SLMAP: variants seen among roughly 807,000 people sequenced by gnomAD.
The protein encoded by SLMAP is sarcolemma associated protein.
Under a neutral mutation model 128.8 loss-of-function variants are expected in SLMAP, and 44 were observed. That is an observed-to-expected ratio of 0.34 (90% CI 0.27 to 0.44). SLMAP has a LOEUF of 0.44. SLMAP is among the 20% of genes least tolerant of loss of function. The probability of loss-of-function intolerance (pLI) is 1.00; values close to 1 mark genes in which losing one functional copy is unlikely to be tolerated. For missense variants in SLMAP, 787 were observed against 985.3 expected (o/e 0.80, Z 2.69); for synonymous variants, 327 against 348.8 (o/e 0.94, Z 0.70).
At chr3:57,833,315 A>G (rs372703501) in intron 3 of SLMAP, among the ~76,000 whole-genome samples, 1 of 152,158 alleles carries the variant, frequency 6.6e-6, no homozygotes, top group South Asian at 2.1e-4. Flanking sequence ...TTTCCCATCT[A>G]TCTGTGAGGG....
At chr3:57,765,077 A>G (rs2079416917) in intron 2 of SLMAP, among the ~76,000 whole-genome samples, 1 of 152,200 alleles carries the variant, frequency 6.6e-6, no homozygotes, top group African/African-American at 2.4e-5. Context: ...AATGGCCAGG[A>G]ACAGTGGCAA....
chr3:57,813,148 C>T (rs1419592699), intron 2 of SLMAP, among the ~76,000 whole-genome samples: 14 of 143,910 alleles, frequency 9.7e-5, no homozygotes, highest in South Asian at 2.2e-4. Flanking sequence ...CAGGCTGGAG[C>T]GCAGTGGTGT....
chr3:57,832,964 C>G (rs2093428605), intron 3 of SLMAP, among the ~76,000 whole-genome samples: 1 of 152,156 alleles, frequency 6.6e-6, no homozygotes, highest in African/African-American at 2.4e-5. Flanking sequence ...TTAGACACTC[C>G]TATATCTGCT....
chr3:57,772,537 A>G (rs2081091193), intron 2 of SLMAP, among the ~76,000 whole-genome samples: 1 of 152,128 alleles, frequency 6.6e-6, no homozygotes. Flanking sequence ...TTGACATTTG[A>G]TATTGGATGA....
At chr3:57,839,432 C>CTTTT (rs1176937962) in intron 3 of SLMAP, among the ~76,000 whole-genome samples, 1 of 135,848 alleles carries the variant, frequency 7.4e-6, no homozygotes, top group African/African-American at 2.8e-5. Context: ...TGCATTAGCT[C>CTTTT]TATTTTTTTT....
chr3:57,813,461 CTCA>C (rs2091355553), intron 2 of SLMAP, among the ~76,000 whole-genome samples: 1 of 152,086 alleles, frequency 6.6e-6, no homozygotes, highest in Non-Finnish European at 1.5e-5. Flanking sequence ...AATTTATAGT[CTCA>C]TGTCCAGGAC....
intron 2 of SLMAP, among the ~76,000 whole-genome samples, chr3:57,811,710 A>C (rs1192309978): frequency 3.3e-5 from 5 of 152,202 alleles, no homozygotes; most frequent in Admixed American, 2.0e-4. Flanking sequence ...CCAACAGTGC[A>C]TAAGGGTTCC....
intron 14 of SLMAP, among the ~76,000 whole-genome samples, chr3:57,879,302 G>T (rs2095671571): frequency 6.6e-6 from 1 of 152,208 alleles, no homozygotes. Context: ...GACAAGATTT[G>T]ATAGTCTTCT....
At chr3:57,850,964 G>T (rs1224316667) in intron 6 of SLMAP, among the ~76,000 whole-genome samples, 1 of 152,128 alleles carries the variant, frequency 6.6e-6, no homozygotes, top group Non-Finnish European at 1.5e-5. Flanking sequence ...AAAAATAACT[G>T]GGAGAGATTT....
At chr3:57,854,107 G>A (rs1194142170) in intron 6 of SLMAP, among the ~76,000 whole-genome samples, 1 of 138,068 alleles carries the variant, frequency 7.2e-6, no homozygotes, top group African/African-American at 2.7e-5. Flanking sequence ...ATGTATCTTT[G>A]GATATATATA....
intron 10 of SLMAP, among the ~76,000 whole-genome samples, chr3:57,863,527 T>TATAAATA (rs2095187089): frequency 6.6e-6 from 1 of 152,194 alleles, no homozygotes; most frequent in Non-Finnish European, 1.5e-5. Flanking sequence ...GGCTCACAGT[T>TATAAATA]CTGCAGGCTG....
At chr3:57,852,221 T>C (rs1380519083) in intron 6 of SLMAP, among the ~76,000 whole-genome samples, 1 of 152,172 alleles carries the variant, frequency 6.6e-6, no homozygotes, top group African/African-American at 2.4e-5. Flanking sequence ...CCCTACATTC[T>C]TTTATAGGAA....
At chr3:57,813,900 C>T (rs1451149032) in intron 2 of SLMAP, among the ~76,000 whole-genome samples, 1 of 151,746 alleles carries the variant, frequency 6.6e-6, no homozygotes, top group Admixed American at 6.6e-5. Context: ...GCCTATCTTC[C>T]TGAGCTTTTA....
chr3:57,763,640 G>A (rs564022281), intron 2 of SLMAP, among the ~76,000 whole-genome samples: 2 of 152,136 alleles, frequency 1.3e-5, no homozygotes, highest in African/African-American at 2.4e-5. Context: ...GTGGTAAAGG[G>A]GGAGAAAATG....
At chr3:57,857,868 A>AT in intron 7 of SLMAP, 40 bp downstream of exon 7, 9 of 1,319,008 alleles carry the variant, frequency 6.8e-6, no homozygotes, top group Non-Finnish European at 8.7e-6. Flanking sequence ...ATTTAAACAT[A>AT]GTTTAATATT....
At chr3:57,827,726 AAGAT>A (rs2093023962) in intron 2 of SLMAP, among the ~76,000 whole-genome samples, 1 of 152,258 alleles carries the variant, frequency 6.6e-6, no homozygotes, top group African/African-American at 2.4e-5. Context: ...CTGGGAAAGA[AAGAT>A]AGTTAAGACT....
intron 4 of SLMAP, among the ~76,000 whole-genome samples, chr3:57,844,257 G>T (rs2094131220): frequency 1.3e-5 from 2 of 152,012 alleles, no homozygotes; most frequent in African/African-American, 4.8e-5. Context: ...AGCCGGGCGT[G>T]GTGGTGAGCG....
intron 20 of SLMAP, among the ~76,000 whole-genome samples, 166 bp downstream of exon 20, chr3:57,912,867 C>T (rs952660978): frequency 1.9e-4 from 29 of 151,920 alleles, no homozygotes; most frequent in South Asian, 1.2e-3. Context: ...TCTGCAAGTT[C>T]TACTTAAATT....
chr3:57,916,142 G>T (rs963382339), intron 21 of SLMAP, among the ~76,000 whole-genome samples: 2 of 151,130 alleles, frequency 1.3e-5, no homozygotes, highest in Admixed American at 6.6e-5. Context: ...GGCAACAAGA[G>T]CGAAACTCTG....
Sources: allele counts gnomAD v4.1 joint callset (sites outside exome capture counted in the v4.1 genomes callset), GRCh38; gene constraint gnomAD v4.1.1; transcripts MANE v1.5; gene names NCBI Gene and HGNC (gene_info 2026-07-23, HGNC 2026-07-21).